Variants in CREBZF observed in about 807,000 individuals in gnomAD.
CREBZF encodes CREB/ATF bZIP transcription factor.
A neutral mutation model predicts 21.1 loss-of-function variants in CREBZF; 8 were observed. The observed-to-expected ratio is 0.38, with a 90% CI of 0.22 to 0.68. CREBZF has a LOEUF of 0.68. Among genes scored for constraint, CREBZF ranks in the 30% least tolerant of loss-of-function variants. CREBZF has a pLI of 0.51. For missense variants in CREBZF, 518 were observed against 484.3 expected, an observed-to-expected ratio of 1.07 and a Z score of -0.65; for synonymous variants, 270 against 223.3, an observed-to-expected ratio of 1.21 and a Z score of -1.86.
chr11:85,663,462 T>C lies in CREBZF; in HGVS notation c.*349A>G. 1 of 755,040 alleles carries C rather than the reference T, an allele frequency of 1.3e-6. No individual in the cohort carries two copies. The highest frequency in any genetic ancestry group is 1.5e-5 in the South Asian group (1 of 65,728). The allele number at this position is 755,040 out of a possible 1,614,324, so 46.8% of individuals were successfully genotyped here. A position where few individuals can be genotyped will look rare whatever the true frequency, so the allele number is the denominator to read the frequency against. ...AATCACACACACACAAACTGAGATGTTGCCCATTAAAGTAGACAAAGCAGC... is the reference window on the plus strand; with the variant it reads ...AATCACACACACACAAACTGAGATGCTGCCCATTAAAGTAGACAAAGCAGC... On this transcript the variant is annotated 3_prime_UTR_variant, in exon 1 of 1. Transcript: ENST00000527447.
At chr11:85,675,897 A>G (rs2082939156) in intron 1 of CREBZF, among the ~76,000 whole-genome samples, 1 of 152,326 alleles carries the variant, frequency 6.6e-6, no homozygotes, top group South Asian at 2.1e-4. Flanking sequence ...GACCGTGTCT[A>G]GGGCACTGTT....
At chr11:85,671,957 C>G (rs1227329915) in intron 1 of CREBZF, among the ~76,000 whole-genome samples, 1 of 152,254 alleles carries the variant, frequency 6.6e-6, no homozygotes, top group Admixed American at 6.5e-5. Flanking sequence ...ATTCTGAACC[C>G]ACACTTCCCT....
At chr11:85,668,373 T>G (rs2082886650), upstream of CREBZF, among the ~76,000 whole-genome samples, 1 of 152,216 alleles carries the variant, frequency 6.6e-6, no homozygotes, top group Non-Finnish European at 1.5e-5. Flanking sequence ...TAAAATTGAT[T>G]ATTTCTTCCG....
chr11:85,668,243 C>T (rs1206565933), upstream of CREBZF, among the ~76,000 whole-genome samples: 1 of 152,102 alleles, frequency 6.6e-6, no homozygotes, highest in Non-Finnish European at 1.5e-5. Flanking sequence ...CTCCACATAA[C>T]TTTAGAAGAC....
In CREBZF at chr11:85,663,479, C is replaced by G. The variant is rs1237707108; in HGVS notation, c.*332G>C. 1 of 810,996 alleles carries G rather than the reference C, an allele frequency of 1.2e-6. No individual in the cohort carries two copies. The highest frequency in any genetic ancestry group is 1.7e-5 in the African/African-American group (1 of 58,310). 50.2% of individuals were successfully genotyped at this position (810,996 alleles called of 1,614,324 possible). On this transcript the variant is annotated 3_prime_UTR_variant, in exon 1 of 1. Transcript: ENST00000527447. ...CTGAGATGTTGCCCATTAAAGTAGA[C>G]AAAGCAGCAGAGCATGAGCGTTACG...
chr11:85,661,321 A>T lies in CREBZF; in HGVS notation c.*2490T>A, dbSNP rs569835110. 6.6e-6 allele frequency: 1 copy of T among 152,620 alleles called. No homozygotes were observed. The highest frequency in any genetic ancestry group is 2.1e-4 in the South Asian group (1 of 4,830). The allele number at this position is 152,620 out of a possible 1,614,324, so 9.5% of individuals were successfully genotyped here. On this transcript the variant is annotated 3_prime_UTR_variant, in exon 1 of 1. Coordinates refer to ENST00000527447, the MANE Select transcript of CREBZF (RefSeq NM_001039618.4). ...AATGACAAAATCACTAAGTCACCAA[A>T]ACTAGAAAAAAAAAAATGAAATGGA... is the stretch of plus-strand genomic sequence containing the variant.
intron 1 of CREBZF, among the ~76,000 whole-genome samples, chr11:85,676,244 A>G (rs2082941527): frequency 6.6e-6 from 1 of 152,168 alleles, no homozygotes; most frequent in South Asian, 2.1e-4. Flanking sequence ...GGGTAGGAAG[A>G]AAGCTTTTCA....
At chr11:85,668,707 A>T (rs1432091328), upstream of CREBZF, among the ~76,000 whole-genome samples, 3 of 152,078 alleles carry the variant, frequency 2.0e-5, no homozygotes, top group African/African-American at 7.2e-5. Flanking sequence ...TTTTTATTAG[A>T]TTAAGAAACA....
In CREBZF at chr11:85,664,161, G is replaced by C; in HGVS notation, c.715C>G (p.Leu239Val). The change falls in exon 1 of 1, where the codon CTG becomes GTG. Residue 239 changes from leucine to valine, a missense_variant. Around this residue, in one of 3 missense-constraint regions of CREBZF, gnomAD observed 8 missense variants for 25.8 expected, o/e 0.31. Transcript: ENST00000527447. The surrounding 1 kb of genome is among the most constrained non-coding windows in gnomAD (Gnocchi z 5.5). ...CGCAGCTCCTGGTTCTCGGCTGCCAGACCCCGGACTCGACTCTCCAGCCCC... is the reference window on the plus strand; with the variant it reads ...CGCAGCTCCTGGTTCTCGGCTGCCACACCCCGGACTCGACTCTCCAGCCCC... The part of the protein sequence containing the change: ...VMGLESRVRG[L>V]AAENQELRAE... 1 of 1,613,506 alleles carries C rather than the reference G, an allele frequency of 6.2e-7. No homozygotes were observed. The highest frequency in any genetic ancestry group is 8.5e-7 in the Non-Finnish European group (1 of 1,180,032).
Position 85,663,868 on chromosome 11 carries a change from C to T in CREBZF, c.1008G>A (p.Val336=), listed in dbSNP as rs1162375287. 1 of 1,610,974 alleles carries T rather than the reference C, an allele frequency of 6.2e-7. No homozygotes were observed. Among genetic ancestry groups the T allele is most frequent in the South Asian group, 1.1e-5 (1 of 91,042 alleles). ...GVCLHVDKDK[V]SVEFCSACAR... ...CGCACGCCGAGCAGAACTCCACCGA[C>T]ACCTTATCCTTGTCCACATGGAGAC... Residue 336 remains valine, a synonymous_variant, in exon 1 of 1, where the codon GTG becomes GTA. Transcript: ENST00000527447.
intron 1 of CREBZF, among the ~76,000 whole-genome samples, chr11:85,681,941 T>A (rs970691386): frequency 1.3e-5 from 2 of 152,198 alleles, no homozygotes; most frequent in African/African-American, 4.8e-5. Flanking sequence ...AATGCCTTTT[T>A]AAGGCTCTTA....
chr11:85,667,281 C>T (rs887422457), upstream of CREBZF, among the ~76,000 whole-genome samples: 15 of 146,074 alleles, frequency 1.0e-4, no homozygotes, highest in African/African-American at 3.3e-4. Flanking sequence ...CCATGTTGGT[C>T]AGGCTGGTCT....
chr11:85,666,087 G>A (rs1275833309), upstream of CREBZF, among the ~76,000 whole-genome samples: 1 of 151,650 alleles, frequency 6.6e-6, no homozygotes, highest in African/African-American at 2.4e-5. Context: ...GTCTTCCTTC[G>A]TCTTCCTGAA....
intron 1 of CREBZF, among the ~76,000 whole-genome samples, chr11:85,679,489 A>C (rs1372376799): frequency 6.6e-6 from 1 of 152,272 alleles, no homozygotes; most frequent in Non-Finnish European, 1.5e-5. Context: ...TCAGAAATGA[A>C]AGATCAGAAT....
chr11:85,668,958 C>T (rs868054903), upstream of CREBZF, among the ~76,000 whole-genome samples: 3 of 120,870 alleles, frequency 2.5e-5, no homozygotes, highest in Middle Eastern at 6.3e-3. Context: ...GCCGAGATCG[C>T]GCCACTGCAC....
chr11:85,674,916 C>T (rs1471568670), intron 1 of CREBZF, among the ~76,000 whole-genome samples: 1 of 152,210 alleles, frequency 6.6e-6, no homozygotes, highest in Non-Finnish European at 1.5e-5. Context: ...ATACCCAAAC[C>T]TCATGAACCA....
intron 1 of CREBZF, among the ~76,000 whole-genome samples, chr11:85,676,205 A>G (rs543332011): frequency 6.6e-6 from 1 of 152,312 alleles, no homozygotes; most frequent in Non-Finnish European, 1.5e-5. Flanking sequence ...GGGAGCAGGC[A>G]TAGAAGTTTG....
upstream of CREBZF, among the ~76,000 whole-genome samples, chr11:85,665,835 C>T (rs2082853029): frequency 6.6e-6 from 1 of 152,022 alleles, no homozygotes; most frequent in Non-Finnish European, 1.5e-5. Context: ...ACAAATAGAG[C>T]CAGGAAAGGC....
At position 85,664,485 on chromosome 11, in the gene CREBZF, A is replaced by T; in HGVS notation, c.391T>A (p.Ser131Thr). ...DPGLSSPGPL[S>T]SSGGGSDSGG... is the part of the protein sequence containing the mutation. ...CTATCCGAGCCTCCGCCAGACGAGG[A>T]GAGAGGCCCCGGCGAGCTAAGCCCG... Residue 131 changes from serine to threonine, a missense_variant, in exon 1 of 1, where the codon TCC becomes ACC. By Grantham distance (58) the Ser-to-Thr change is moderately conservative. Around this residue, in one of 3 missense-constraint regions of CREBZF, gnomAD observed 396 missense variants for 324.4 expected, o/e 1.22. Coordinates refer to ENST00000527447, the MANE Select transcript of CREBZF (RefSeq NM_001039618.4). This position sits in a 1 kb window ranked among gnomAD's most constrained non-coding sequence, Gnocchi z 5.5. 1 of 1,613,606 alleles carries T rather than the reference A, an allele frequency of 6.2e-7. No individual in the cohort carries two copies.
Sources: allele counts gnomAD v4.1 joint callset (sites outside exome capture counted in the v4.1 genomes callset), GRCh38; gene constraint gnomAD v4.1.1; regional missense constraint gnomAD v4.1.1; non-coding constraint Gnocchi (gnomAD v3.1); transcripts MANE v1.5; gene names NCBI Gene and HGNC (gene_info 2026-07-23, HGNC 2026-07-21).